The following TPTE variants were observed in gnomAD, a reference collection of about 807,000 sequenced individuals.
TPTE encodes the protein transmembrane phosphatase with tensin homology, also known as putative tyrosine-protein phosphatase TPTE.
A neutral mutation model predicts 84.1 loss-of-function variants in TPTE; 59 were observed. The ratio of observed to expected loss-of-function variants is 0.70; its 90% confidence interval spans 0.57 to 0.87. The LOEUF (loss-of-function observed/expected upper bound fraction) is 0.87. Among genes scored for constraint, TPTE ranks in the 40% least tolerant of loss-of-function variants. The probability of loss-of-function intolerance (pLI) is 0.00; values close to 1 mark genes in which losing one functional copy is unlikely to be tolerated. For missense variants in TPTE, 382 were observed against 659.6 expected, an observed-to-expected ratio of 0.58 and a Z score of 4.61; for synonymous variants, 130 against 223.5, an observed-to-expected ratio of 0.58 and a Z score of 3.73.
intron 13 of TPTE, 131 bp downstream of exon 13, chr21:10,569,877 AGT>A: frequency 6.3e-7 from 1 of 1,590,416 alleles, no homozygotes; most frequent in Non-Finnish European, 8.6e-7. Flanking sequence ...CTACTGTGAT[AGT>A]GTGACATATT....
chr21:10,535,810 A>T (rs940389898), intron 3 of TPTE, among the ~76,000 whole-genome samples: 4 of 152,308 alleles, frequency 2.6e-5, no homozygotes, highest in Non-Finnish European at 5.9e-5. Flanking sequence ...ACCCAAACCC[A>T]CAATCATTTT....
intron 21 of TPTE, among the ~76,000 whole-genome samples, chr21:10,600,139 TC>T (rs1245561298): frequency 2.7e-5 from 4 of 145,492 alleles, no homozygotes; most frequent in African/African-American, 8.3e-5. Flanking sequence ...TTTTTCTTTT[TC>T]TTTTTTTTTT....
intron 4 of TPTE, among the ~76,000 whole-genome samples, chr21:10,539,934 G>T (rs1362382328): frequency 6.6e-6 from 1 of 152,306 alleles, no homozygotes; most frequent in Non-Finnish European, 1.5e-5. Flanking sequence ...GCTTGAACCC[G>T]GGAGGCAGAG....
At chr21:10,549,980 A>G (rs2074542952) in intron 7 of TPTE, among the ~76,000 whole-genome samples, 1 of 152,310 alleles carries the variant, frequency 6.6e-6, no homozygotes, top group Non-Finnish European at 1.5e-5. Context: ...CCCAGTGGAA[A>G]CCTTAGGCTA....
At chr21:10,591,322 G>T (rs922154897) in intron 18 of TPTE, among the ~76,000 whole-genome samples, 1 of 152,310 alleles carries the variant, frequency 6.6e-6, no homozygotes, top group African/African-American at 2.4e-5. Flanking sequence ...GGGAAGAGGT[G>T]GTGGTTGTGC....
intron 23 of TPTE, among the ~76,000 whole-genome samples, chr21:10,604,849 T>A (rs1219576925): frequency 6.6e-6 from 1 of 152,310 alleles, no homozygotes; most frequent in African/African-American, 2.4e-5. Flanking sequence ...ACATTTAAAT[T>A]TACATCCTAC....
chr21:10,559,432 G>C, intron 8 of TPTE, 62 bp from the exon 9 acceptor site: 1 of 1,602,118 alleles, frequency 6.2e-7, no homozygotes, highest in Non-Finnish European at 8.5e-7. Flanking sequence ...TTGTTTTTTG[G>C]TTAAATTTAC....
At chr21:10,527,120 T>A (rs1476128503) in intron 2 of TPTE, among the ~76,000 whole-genome samples, 1 of 152,270 alleles carries the variant, frequency 6.6e-6, no homozygotes, top group Non-Finnish European at 1.5e-5. Flanking sequence ...TTTTCTTTCT[T>A]TTTTCTGTGT....
chr21:10,560,511 C>T (rs915992969), intron 9 of TPTE, among the ~76,000 whole-genome samples: 2 of 152,304 alleles, frequency 1.3e-5, no homozygotes, highest in Non-Finnish European at 2.9e-5. Flanking sequence ...GCCCATCACT[C>T]TGCTAGAAGC....
intron 7 of TPTE, 33 bp downstream of exon 7, chr21:10,543,415 C>A: frequency 1.2e-6 from 2 of 1,613,994 alleles, no homozygotes; most frequent in Middle Eastern, 1.7e-4. Flanking sequence ...CACACGTATG[C>A]ATAAGAGTGC....
At chr21:10,557,795 G>A (rs2074712636) in intron 8 of TPTE, among the ~76,000 whole-genome samples, 1 of 152,294 alleles carries the variant, frequency 6.6e-6, no homozygotes, top group Non-Finnish European at 1.5e-5. Context: ...TGCTACATAG[G>A]TAAACTTGTG....
At position 10,590,515 on chromosome 21, in the gene TPTE, A is replaced by C. The variant is rs763509744; in HGVS notation, c.1081A>C (p.Thr361Pro). The C allele has an allele frequency of 5.0e-6, 8 of 1,614,090 alleles. No individual in the cohort carries two copies. Among genetic ancestry groups the C allele is most frequent in the Non-Finnish European group, 6.8e-6 (8 of 1,179,914 alleles). ...CCTTATTGCCTCTGAAATATGTTCA[A>C]CTGCAAAGGTATGAAAGATGTTCTA... is the stretch of plus-strand genomic sequence containing the variant. ...AFLIASEICSTAKESLYYFGE... is the reference protein window; with the variant it reads ...AFLIASEICSPAKESLYYFGE... Residue 361 changes from threonine (T) to proline (P), a missense_variant, in exon 18 of 24, where the codon ACT becomes CCT. Thr to Pro is a conservative substitution (Grantham distance 38). Around this residue, in one of 10 missense-constraint regions of TPTE, gnomAD observed 37 missense variants for 28.3 expected, o/e 1.31. Transcript: ENST00000618007.
chr21:10,591,213 AC>A (rs2075470143), intron 18 of TPTE, among the ~76,000 whole-genome samples: 2 of 152,308 alleles, frequency 1.3e-5, no homozygotes, highest in Admixed American at 6.5e-5. Flanking sequence ...GGCTGTTTCC[AC>A]TTAAAGCAGA....
In TPTE at chr21:10,560,523, C is replaced by T. The variant is rs1266649056; in HGVS notation, c.285-507C>T. On this transcript the variant is annotated intron_variant, in intron 9 of 23. Transcript: ENST00000618007. ...TGTGCCCATCACTCTGCTAGAAGCA[C>T]CCATAAATATGAAATCATGTACTTG... Among the ~76,000 whole-genome samples, 6 of 152,424 alleles carry T rather than the reference C, an allele frequency of 3.9e-5. No homozygotes were observed. In the East Asian group the frequency reaches 1.2e-3, roughly 29 times the overall value.
At chr21:10,598,922 C>T (rs1210596904) in intron 21 of TPTE, among the ~76,000 whole-genome samples, 3 of 152,302 alleles carry the variant, frequency 2.0e-5, no homozygotes, top group African/African-American at 7.2e-5. Flanking sequence ...AGGCCTGACC[C>T]TTGGCTTTGT....
chr21:10,547,557 A>G (rs1426155474), intron 7 of TPTE, among the ~76,000 whole-genome samples: 1 of 152,308 alleles, frequency 6.6e-6, no homozygotes, highest in Non-Finnish European at 1.5e-5. Flanking sequence ...ACACAGCTGC[A>G]TGTCCTGGAC....
At chr21:10,541,003 G>T in intron 4 of TPTE, 109 bp from the exon 5 acceptor site, 3 of 1,505,980 alleles carry the variant, frequency 2.0e-6, no homozygotes, top group Non-Finnish European at 2.7e-6. Flanking sequence ...ACATACATGT[G>T]AATAATAAAA....
chr21:10,605,338 A>G (rs1979149093), intron 23 of TPTE, 79 bp from the exon 24 acceptor site: 4 of 1,526,764 alleles, frequency 2.6e-6, no homozygotes, highest in African/African-American at 1.4e-5. Context: ...TGTTTCTTCC[A>G]GCTCTAACGT....
chr21:10,564,729 C>T (rs1413491421), intron 10 of TPTE, among the ~76,000 whole-genome samples: 3 of 152,426 alleles, frequency 2.0e-5, no homozygotes, highest in Admixed American at 2.0e-4. Flanking sequence ...ACATTATATC[C>T]ACACAGTAAA....
Sources: gnomAD v4.1 joint callset for allele counts (sites outside exome capture counted in the v4.1 genomes callset) on GRCh38, gnomAD v4.1.1 for gene constraint, gnomAD v4.1.1 regional missense constraint, MANE v1.5 for transcripts, NCBI Gene and HGNC (gene_info 2026-07-23, HGNC 2026-07-21) for gene names.